SNTG2: variants seen among roughly 807,000 people sequenced by gnomAD.
SNTG2 encodes the protein syntrophin gamma 2.
Under a neutral mutation model 70.9 loss-of-function variants are expected in SNTG2, and 74 were observed. The observed-to-expected ratio is 1.04, with a 90% CI of 0.86 to 1.27. SNTG2 has a LOEUF of 1.27. SNTG2 is among the 50% of genes most tolerant of loss of function. The probability of loss-of-function intolerance (pLI) is 0.00; values close to 1 mark genes in which losing one functional copy is unlikely to be tolerated. For synonymous variants in SNTG2, 278 were observed against 273.8 expected (o/e 1.02, Z -0.15); for missense variants, 717 against 690.7 (o/e 1.04, Z -0.43).
intron 16 of SNTG2, among the ~76,000 whole-genome samples, chr2:1,356,743 A>T (rs1047659515): frequency 7.2e-5 from 11 of 152,202 alleles, no homozygotes; most frequent in Admixed American, 6.5e-4. Flanking sequence ...CATTGAATCT[A>T]TAGATCACTT....
rs564559056 is a variant in SNTG2, at chr2:1,281,896, C to G, written c.1284+14325C>G. ...CGGGCAGCATCAGCCACTGCACCCCCGTCCGTGTCTCCTCAAGCCCGGGAG... is the reference window on the plus strand; with the variant it reads ...CGGGCAGCATCAGCCACTGCACCCCGGTCCGTGTCTCCTCAAGCCCGGGAG... On this transcript the variant is annotated intron_variant, in intron 14 of 16. Transcript: ENST00000308624. 2.0e-5 allele frequency among the ~76,000 whole-genome samples: 3 copies of G among 152,248 alleles called. No homozygotes were observed. In the South Asian group the frequency reaches 6.2e-4, roughly 32 times the overall value.
chr2:1,102,947 T>C (rs986023729), intron 4 of SNTG2, among the ~76,000 whole-genome samples: 1 of 152,194 alleles, frequency 6.6e-6, no homozygotes, highest in Admixed American at 6.5e-5. Flanking sequence ...CCTGAGCAGC[T>C]TTGCAGAGCA....
At chr2:1,269,775 A>G (rs973833865) in intron 14 of SNTG2, among the ~76,000 whole-genome samples, 2 of 152,206 alleles carry the variant, frequency 1.3e-5, no homozygotes, top group African/African-American at 2.4e-5. Flanking sequence ...ATTTTAGAGG[A>G]AACATTTTCA....
intron 7 of SNTG2, 61 bp from the exon 8 acceptor site, chr2:1,173,031 T>C (rs1671230201): frequency 2.7e-6 from 4 of 1,467,362 alleles, no homozygotes; most frequent in African/African-American, 2.8e-5. Context: ...AGTCACTGCA[T>C]GGTCACAGTG....
At chr2:1,273,207 G>GTCTTTCCC (rs1416288506) in intron 14 of SNTG2, among the ~76,000 whole-genome samples, 1 of 152,124 alleles carries the variant, frequency 6.6e-6, no homozygotes, top group Non-Finnish European at 1.5e-5. Flanking sequence ...TAATGGGCCC[G>GTCTTTCCC]TCTTTCCCTC....
intron 16 of SNTG2, among the ~76,000 whole-genome samples, chr2:1,358,235 A>G (rs1660956665): frequency 6.6e-6 from 1 of 152,180 alleles, no homozygotes; most frequent in Non-Finnish European, 1.5e-5. Flanking sequence ...ACATCAGCAT[A>G]TGAACTTTGG....
chr2:1,221,144 T>TA (rs1347641063), intron 9 of SNTG2, among the ~76,000 whole-genome samples: 1 of 152,340 alleles, frequency 6.6e-6, no homozygotes, highest in Non-Finnish European at 1.5e-5. Flanking sequence ...TAGGCTCCGT[T>TA]ACGCTTTCTC....
chr2:1,351,219 G>A (rs1660555303), intron 16 of SNTG2, among the ~76,000 whole-genome samples: 1 of 152,008 alleles, frequency 6.6e-6, no homozygotes. Context: ...CTTTGTGAAA[G>A]CAGCTTTCCA....
chr2:1,169,326 C>T (rs546595881), intron 7 of SNTG2, among the ~76,000 whole-genome samples: 37 of 152,230 alleles, frequency 2.4e-4, no homozygotes, highest in Non-Finnish European at 5.3e-4. Flanking sequence ...GACACTCACC[C>T]TGGGGCCGTT....
At chr2:1,184,085 C>T (rs1191153472) in intron 8 of SNTG2, among the ~76,000 whole-genome samples, 4 of 152,144 alleles carry the variant, frequency 2.6e-5, no homozygotes, top group African/African-American at 9.7e-5. Flanking sequence ...GGGGGCCACC[C>T]TTGGTCCTAA....
At chr2:1,244,000 C>G (rs576991059) in intron 11 of SNTG2, among the ~76,000 whole-genome samples, 2 of 151,704 alleles carry the variant, frequency 1.3e-5, no homozygotes, top group African/African-American at 4.8e-5. Flanking sequence ...CACTCCAGCC[C>G]GGGCGACAGA....
chr2:1,100,347 A>T (rs1183156385), intron 4 of SNTG2, among the ~76,000 whole-genome samples: 1 of 152,074 alleles, frequency 6.6e-6, no homozygotes, highest in East Asian at 1.9e-4. Flanking sequence ...TTGTATTTTT[A>T]GTAGAGGCGG....
chr2:1,181,721 G>T (rs954251852), intron 8 of SNTG2, among the ~76,000 whole-genome samples: 2 of 152,086 alleles, frequency 1.3e-5, no homozygotes, highest in Admixed American at 1.3e-4. Context: ...TGCTTTCCTA[G>T]AAGTCACATT....
At chr2:1,070,106 G>A (rs921363174) in intron 1 of SNTG2, among the ~76,000 whole-genome samples, 1 of 152,124 alleles carries the variant, frequency 6.6e-6, no homozygotes, top group Non-Finnish European at 1.5e-5. Flanking sequence ...TGCCAGTGAA[G>A]TGATGTCGGC....
intron 1 of SNTG2, among the ~76,000 whole-genome samples, chr2:1,076,559 G>A (rs925537879): frequency 6.6e-6 from 1 of 152,210 alleles, no homozygotes; most frequent in Non-Finnish European, 1.5e-5. Context: ...TTTATGTCAA[G>A]TATATTCTGT....
intron 8 of SNTG2, among the ~76,000 whole-genome samples, chr2:1,183,513 A>G (rs114318303): frequency 2.6e-5 from 4 of 152,292 alleles, no homozygotes; most frequent in African/African-American, 4.8e-5. Context: ...GCATCATTTC[A>G]TGTCATATGC....
chr2:1,277,950 A>G (rs182099694), intron 14 of SNTG2, among the ~76,000 whole-genome samples: 216 of 152,358 alleles, frequency 1.4e-3, no homozygotes, highest in Non-Finnish European at 2.5e-3. Context: ...GGCGGGGAAG[A>G]TAACGCTTTT....
intron 14 of SNTG2, among the ~76,000 whole-genome samples, chr2:1,294,764 T>C (rs1480357467): frequency 6.6e-6 from 1 of 152,054 alleles, no homozygotes; most frequent in Non-Finnish European, 1.5e-5. Context: ...CAAAATATCT[T>C]AGCATCTTAA....
intron 14 of SNTG2, among the ~76,000 whole-genome samples, chr2:1,268,159 A>G (rs761473470): frequency 5.3e-5 from 8 of 152,324 alleles, no homozygotes; most frequent in Middle Eastern, 3.4e-3. Context: ...AAATAGCGGG[A>G]TGATCCTTCA....
Sources: gnomAD v4.1 joint callset for allele counts (sites outside exome capture counted in the v4.1 genomes callset) on GRCh38, gnomAD v4.1.1 for gene constraint, MANE v1.5 for transcripts, NCBI Gene and HGNC (gene_info 2026-07-23, HGNC 2026-07-21) for gene names.